DCHS2: variants seen among roughly 807,000 people sequenced by gnomAD.
DCHS2 encodes dachsous cadherin-related 2, also known as protocadherin-23.
In DCHS2, 142 loss-of-function variants were observed where a neutral mutation model predicts 182.4. The ratio of observed to expected loss-of-function variants is 0.78; its 90% CI spans 0.68 to 0.89. The LOEUF (loss-of-function observed/expected upper bound fraction) is 0.89. DCHS2 is among the 40% of genes least tolerant of loss of function. DCHS2 has a pLI of 0.00. For synonymous variants in DCHS2, 1,740 were observed against 1,663.3 expected (o/e 1.05, Z -1.12); for missense variants, 4,319 against 4,198.6 (o/e 1.03, Z -0.79).
intron 1 of DCHS2, among the ~76,000 whole-genome samples, chr4:154,417,204 T>TGAGA (rs70947163): frequency 0.014 from 561 of 39,420 alleles, 44 homozygotes; most frequent in Admixed American, 0.099. Context: ...TGTGTGTGTG[T>TGAGA]GAGAGAGAGA....
At chr4:154,421,577 T>C (rs1733113480) in intron 1 of DCHS2, among the ~76,000 whole-genome samples, 2 of 152,078 alleles carry the variant, frequency 1.3e-5, no homozygotes, top group Non-Finnish European at 2.9e-5. Flanking sequence ...GTATTTTTAG[T>C]AGAGACAGGG....
intron 1 of DCHS2, among the ~76,000 whole-genome samples, chr4:154,395,927 C>T (rs1354190427): frequency 6.6e-6 from 1 of 152,182 alleles, no homozygotes; most frequent in African/African-American, 2.4e-5. Flanking sequence ...CTAAGATATT[C>T]AATGTGCTTT....
chr4:154,269,908 G>T lies in DCHS2; in HGVS notation c.6569C>A (p.Ser2190Tyr). ...GNEDGVLSLC[S>Y]KSGQLTVKEP... Reference sequence around the variant, plus strand: ...GGGTAGAGAAGGATTACCTGACTTAGAGCACAGGGAAAGAACTCCATCTTC... The same window carrying T: ...GGGTAGAGAAGGATTACCTGACTTATAGCACAGGGAAAGAACTCCATCTTC... Residue 2190 changes from serine (S) to tyrosine (Y), a missense_variant, in exon 14 of 20, where the codon TCT becomes TAT. Coordinates refer to ENST00000357232, the MANE Select transcript of DCHS2 (RefSeq NM_001358235.2). The T allele has an allele frequency of 6.2e-7, 1 of 1,611,464 alleles. No individual in the cohort carries two copies. Among genetic ancestry groups the T allele is most frequent in the South Asian group, 1.1e-5 (1 of 90,728 alleles).
chr4:154,378,334 T>C (rs2110809647), intron 1 of DCHS2, among the ~76,000 whole-genome samples: 1 of 152,034 alleles, frequency 6.6e-6, no homozygotes, highest in South Asian at 2.1e-4. Context: ...TCATGATAGA[T>C]AATGCTTTTA....
At chr4:154,359,696 C>T (rs569917492) in intron 3 of DCHS2, among the ~76,000 whole-genome samples, 1 of 152,100 alleles carries the variant, frequency 6.6e-6, no homozygotes, top group East Asian at 1.9e-4. Context: ...TTATTTTGCA[C>T]ACAAATCTTA....
intron 1 of DCHS2, among the ~76,000 whole-genome samples, chr4:154,463,851 G>C (rs947912024): frequency 3.3e-5 from 5 of 151,996 alleles, no homozygotes; most frequent in African/African-American, 1.2e-4. Context: ...ATGTGATTTG[G>C]ATTTTATGCT....
intron 13 of DCHS2, among the ~76,000 whole-genome samples, chr4:154,287,719 T>G (rs1174507807): frequency 1.3e-5 from 2 of 152,104 alleles, no homozygotes; most frequent in Non-Finnish European, 2.9e-5. Context: ...TGGCCTCAAG[T>G]GATCCACCTG....
chr4:154,291,234 A>C (rs1339993040), intron 13 of DCHS2, among the ~76,000 whole-genome samples: 3 of 152,094 alleles, frequency 2.0e-5, no homozygotes, highest in Non-Finnish European at 4.4e-5. Context: ...AAAAAACTAC[A>C]GTGAAATATC....
At chr4:154,274,113 T>A (rs1314921349) in intron 13 of DCHS2, among the ~76,000 whole-genome samples, 1 of 152,070 alleles carries the variant, frequency 6.6e-6, no homozygotes, top group East Asian at 1.9e-4. Context: ...GGCCAGAAAA[T>A]GTCTCAGACA....
chr4:154,375,331 C>T (rs1730839307), intron 2 of DCHS2, among the ~76,000 whole-genome samples: 1 of 152,002 alleles, frequency 6.6e-6, no homozygotes, highest in South Asian at 2.1e-4. Flanking sequence ...CTACTAAGCT[C>T]TATTATAATG....
intron 2 of DCHS2, among the ~76,000 whole-genome samples, chr4:154,368,056 T>C (rs775711036): frequency 3.9e-5 from 6 of 152,254 alleles, no homozygotes; most frequent in African/African-American, 7.2e-5. Context: ...CGGGTATCAA[T>C]TAGAATAGGA....
intron 1 of DCHS2, among the ~76,000 whole-genome samples, chr4:154,466,453 T>C (rs998613927): frequency 6.6e-6 from 1 of 152,168 alleles, no homozygotes; most frequent in African/African-American, 2.4e-5. Context: ...CCCATCACTT[T>C]ATAGCAAGCG....
At chr4:154,343,376 TCTC>T in intron 3 of DCHS2, 1 of 1,215,180 alleles carries the variant, frequency 8.2e-7, no homozygotes, top group Non-Finnish European at 1.1e-6. Flanking sequence ...GGCATTGACT[TCTC>T]CTCTCTAGCT....
intron 13 of DCHS2, among the ~76,000 whole-genome samples, chr4:154,295,241 C>T (rs996478360): frequency 5.9e-5 from 9 of 152,174 alleles, no homozygotes; most frequent in Non-Finnish European, 8.8e-5. Context: ...GAGAATAAGA[C>T]GTTTCTCTAT....
At chr4:154,412,403 C>T (rs1045325520) in intron 1 of DCHS2, among the ~76,000 whole-genome samples, 1 of 152,112 alleles carries the variant, frequency 6.6e-6, no homozygotes, top group Non-Finnish European at 1.5e-5. Context: ...CCTTTCTCAT[C>T]CCCACCATCA....
intron 13 of DCHS2, among the ~76,000 whole-genome samples, chr4:154,272,726 T>A (rs1733656767): frequency 6.6e-6 from 1 of 152,174 alleles, no homozygotes; most frequent in South Asian, 2.1e-4. Context: ...TCACAGGTAG[T>A]ATCTTTATAG....
chr4:154,350,357 CT>C (rs1177781204), intron 3 of DCHS2, among the ~76,000 whole-genome samples: 1 of 152,228 alleles, frequency 6.6e-6, no homozygotes, highest in Non-Finnish European at 1.5e-5. Context: ...GAAAATATCT[CT>C]GCAGAAAGGA....
intron 17 of DCHS2, among the ~76,000 whole-genome samples, chr4:154,241,222 C>T (rs954397965): frequency 4.6e-5 from 7 of 152,092 alleles, no homozygotes; most frequent in African/African-American, 1.4e-4. Flanking sequence ...TAATACAAAA[C>T]ATGGCATTTT....
chr4:154,468,662 C>T (rs540158853), intron 1 of DCHS2, among the ~76,000 whole-genome samples: 25 of 152,190 alleles, frequency 1.6e-4, no homozygotes, highest in South Asian at 6.2e-4. Flanking sequence ...ATTGATACAA[C>T]GGTTTCTCCT....
Sources: gnomAD v4.1 joint callset for allele counts (sites outside exome capture counted in the v4.1 genomes callset) on GRCh38, gnomAD v4.1.1 for gene constraint, MANE v1.5 for transcripts, NCBI Gene and HGNC (gene_info 2026-07-23, HGNC 2026-07-21) for gene names.